Variants in USP43 observed in about 807,000 individuals in gnomAD.
USP43 encodes the protein ubiquitin specific peptidase 43, also known as ubiquitin carboxyl-terminal hydrolase 43.
USP43 carries 33 observed loss-of-function variants against 90.7 expected under a neutral mutation model. The observed-to-expected ratio is 0.36, with a 90% CI of 0.28 to 0.49. The LOEUF is 0.49. USP43 is among the 20% of genes least tolerant of loss of function. The pLI, the probability that USP43 is intolerant of heterozygous loss-of-function variation, is 0.98. For missense variants in USP43, 1,274 were observed against 1,476.4 expected, an observed-to-expected ratio of 0.86 and a Z score of 2.25; for synonymous variants, 598 against 615.8, an observed-to-expected ratio of 0.97 and a Z score of 0.43.
intron 9 of USP43, among the ~76,000 whole-genome samples, 182 bp from the exon 10 acceptor site, chr17:9,699,990 T>G (rs889004530): frequency 2.0e-5 from 3 of 152,214 alleles, no homozygotes; most frequent in Admixed American, 2.0e-4. Context: ...TCTGAAGTTC[T>G]GAGACGGAGC....
chr17:9,683,834 C>T (rs561821355), intron 7 of USP43, among the ~76,000 whole-genome samples: 46 of 152,164 alleles, frequency 3.0e-4, no homozygotes, highest in African/African-American at 1.1e-3. Flanking sequence ...TGAATTCACA[C>T]GTATAAATTT....
intron 6 of USP43, 36 bp from the exon 7 acceptor site, chr17:9,682,787 T>C (rs1396980747): frequency 6.2e-7 from 1 of 1,606,444 alleles, no homozygotes; most frequent in Non-Finnish European, 8.5e-7. Context: ...GCAGCTCCTT[T>C]AGGAATATGA....
chr17:9,687,820 C>T (rs1248438348), intron 8 of USP43, among the ~76,000 whole-genome samples: 1 of 152,196 alleles, frequency 6.6e-6, no homozygotes, highest in African/African-American at 2.4e-5. Flanking sequence ...TTTGTCCCAA[C>T]TTTTATCTCT....
intron 1 of USP43, among the ~76,000 whole-genome samples, chr17:9,655,520 A>C (rs1268207505): frequency 2.0e-5 from 3 of 152,252 alleles, no homozygotes; most frequent in African/African-American, 2.4e-5. Context: ...ATAAACTTTT[A>C]GAAAGTTGGA....
At chr17:9,664,326 T>C (rs753377396) in intron 2 of USP43, among the ~76,000 whole-genome samples, 12 of 152,208 alleles carry the variant, frequency 7.9e-5, no homozygotes, top group Non-Finnish European at 1.0e-4. Flanking sequence ...TTTTCTTGGA[T>C]GTACTTTGAA....
chr17:9,726,404 CAG>C (rs2152004396), intron 14 of USP43, among the ~76,000 whole-genome samples: 1 of 152,264 alleles, frequency 6.6e-6, no homozygotes, highest in South Asian at 2.1e-4. Flanking sequence ...GCTGTTAGAA[CAG>C]AATACCACGC....
At chr17:9,645,507 C>G, upstream of USP43, 1 of 959,634 alleles carries the variant, frequency 1.0e-6, no homozygotes, top group Non-Finnish European at 1.3e-6. The surrounding 1 kb of genome is among the most constrained non-coding windows in gnomAD (Gnocchi z 6.8). Context: ...CGCCTCCGCC[C>G]CGTCCCCGCA....
rs536276575 is a variant in USP43 at position 9,707,561 on chromosome 17, G to A, written c.2012-2395G>A. ...ACTCGGGAGGCTGAGGCAGGAGAATGGCGTGAACCCGGGAGGTGGAGCTTG... is the reference window on the plus strand; with the variant it reads ...ACTCGGGAGGCTGAGGCAGGAGAATAGCGTGAACCCGGGAGGTGGAGCTTG... On this transcript the variant is annotated intron_variant, in intron 12 of 14. Coordinates refer to ENST00000285199, the MANE Select transcript of USP43 (RefSeq NM_153210.5). Among the ~76,000 whole-genome samples the A allele has an allele frequency of 4.6e-5, 7 of 151,254 alleles. No individual in the cohort carries two copies. The South Asian group carries it at 1.5e-3, about 32-fold the overall frequency.
At chr17:9,670,854 G>C (rs1345104964) in intron 3 of USP43, among the ~76,000 whole-genome samples, 1 of 152,198 alleles carries the variant, frequency 6.6e-6, no homozygotes, top group African/African-American at 2.4e-5. Context: ...AAAAATGCCA[G>C]CTTTGTGCCT....
At chr17:9,726,165 T>C (rs576766067) in intron 14 of USP43, among the ~76,000 whole-genome samples, 4 of 152,084 alleles carry the variant, frequency 2.6e-5, no homozygotes, top group Non-Finnish European at 5.9e-5. Context: ...GCTCCAGCCA[T>C]TTCTCCAGGG....
At chr17:9,649,252 A>G (rs1260372383) in intron 1 of USP43, among the ~76,000 whole-genome samples, 2 of 152,150 alleles carry the variant, frequency 1.3e-5, no homozygotes, top group Non-Finnish European at 2.9e-5. Context: ...GGTTGCAGTG[A>G]GCCGAGATCG....
chr17:9,673,843 C>T (rs1226676397), intron 3 of USP43, among the ~76,000 whole-genome samples: 1 of 152,152 alleles, frequency 6.6e-6, no homozygotes, highest in Non-Finnish European at 1.5e-5. Context: ...CAGAATTATG[C>T]TTGGTTCTTA....
chr17:9,661,015 AT>A (rs1481852564), intron 2 of USP43, among the ~76,000 whole-genome samples: 1 of 151,774 alleles, frequency 6.6e-6, no homozygotes, highest in Non-Finnish European at 1.5e-5. Context: ...TGAAACTCTG[AT>A]TTTTTTTCTC....
chr17:9,694,381 G>T (rs1161662418), intron 9 of USP43, among the ~76,000 whole-genome samples: 1 of 152,158 alleles, frequency 6.6e-6, no homozygotes, highest in African/African-American at 2.4e-5. Context: ...CCAGGGAGAG[G>T]AAGCCCCTTC....
At position 9,705,703 on chromosome 17, in the gene USP43, G is replaced by A. The variant is rs866412679; in HGVS notation, c.2011+4003G>A. 2.7e-5 allele frequency among the ~76,000 whole-genome samples: 4 copies of A among 149,246 alleles called. No individual in the cohort carries two copies. The East Asian group carries it at 6.0e-4, about 22-fold the overall frequency. ...CCAGAGGTGGAGATTGCAGTGAGCC[G>A]AGATCACACCACTGCACTCCAGCCT... is the stretch of plus-strand genomic sequence containing the variant. On this transcript the variant is annotated intron_variant, in intron 12 of 14. Transcript: ENST00000285199.
In USP43 at chr17:9,686,862, A is replaced by G. The variant is rs750749252; in HGVS notation, c.1306A>G (p.Ile436Val). The change falls in exon 8 of 15, where the codon ATC becomes GTC. Residue 436 changes from isoleucine (I) to valine (V), a missense_variant. Coordinates refer to ENST00000285199, the MANE Select transcript of USP43 (RefSeq NM_153210.5). This position sits in a 1 kb window ranked among gnomAD's most constrained non-coding sequence, Gnocchi z 5.5. ...TTCCTGGGCCCAGCTCCAGCAGTCTATCCTCAGCAAGGTCCGCCATCTTAT... is the reference window on the plus strand; with the variant it reads ...TTCCTGGGCCCAGCTCCAGCAGTCTGTCCTCAGCAAGGTCCGCCATCTTAT... ...AVSWAQLQQS[I>V]LSKVRHLMKS... 26 of 1,613,714 alleles carry G rather than the reference A, an allele frequency of 1.6e-5. No individual in the cohort carries two copies. The South Asian group carries it at 2.6e-4, about 16-fold the overall frequency.
chr17:9,683,733 A>G (rs747963030), intron 7 of USP43, among the ~76,000 whole-genome samples: 15 of 152,206 alleles, frequency 9.9e-5, no homozygotes, highest in Non-Finnish European at 1.3e-4. Flanking sequence ...TCATATTACT[A>G]CAGAGTGAGT....
rs918062201 is a variant in USP43 at position 9,709,522 on chromosome 17, C to T, written c.2012-434C>T. Among the ~76,000 whole-genome samples the T allele has an allele frequency of 6.6e-6, 1 of 151,988 alleles. No homozygotes were observed. The highest frequency in any genetic ancestry group is 1.5e-5 in the Non-Finnish European group (1 of 68,004). ...TCTTAGGTCAGGAGTTCGAGACCAG[C>T]CTGGTCAACATGGTGAAACCCCATC... On this transcript the variant is annotated intron_variant, in intron 12 of 14. Transcript: ENST00000285199. The surrounding 1 kb of genome is among the most constrained non-coding windows in gnomAD (Gnocchi z 5.0).
chr17:9,728,491 G>A lies in USP43; in HGVS notation c.2873G>A (p.Ser958Asn), dbSNP rs762237784. ...EGQKAMNWKE[S>N]FQMGSKSSPP... is the part of the protein sequence containing the mutation. ...CAGAAGGCCATGAACTGGAAGGAGA[G>A]CTTCCAGATGGGAAGCAAAAGCAGC... Residue 958 changes from serine (S) to asparagine (N), a missense_variant, in exon 15 of 15, where the codon AGC becomes AAC. Ser to Asn is a conservative substitution (Grantham distance 46, BLOSUM62 1). Coordinates refer to ENST00000285199, the MANE Select transcript of USP43 (RefSeq NM_153210.5). The surrounding 1 kb of genome is among the most constrained non-coding windows in gnomAD (Gnocchi z 6.2). The A allele has an allele frequency of 2.5e-6, 4 of 1,613,802 alleles. No individual in the cohort carries two copies. Among genetic ancestry groups the A allele is most frequent in the Non-Finnish European group, 3.4e-6 (4 of 1,179,824 alleles).
Sources: allele counts gnomAD v4.1 joint callset (sites outside exome capture counted in the v4.1 genomes callset), GRCh38; gene constraint gnomAD v4.1.1; non-coding constraint Gnocchi (gnomAD v3.1); transcripts MANE v1.5; gene names NCBI Gene and HGNC (gene_info 2026-07-23, HGNC 2026-07-21).